ELL2: variants seen among roughly 807,000 people sequenced by gnomAD.
ELL2 encodes elongation factor for RNA polymerase II 2.
ELL2 carries 21 observed loss-of-function variants against 72.8 expected under a neutral mutation model. That is an observed-to-expected ratio of 0.29 (90% CI 0.20 to 0.42). The LOEUF (loss-of-function observed/expected upper bound fraction) is 0.42, where lower values mean the gene tolerates loss of function less well. ELL2 is among the 10% of genes least tolerant of loss of function. The pLI is 1.00. For synonymous variants in ELL2, 266 were observed against 283.2 expected (o/e 0.94, Z 0.61); for missense variants, 568 against 772.8 (o/e 0.73, Z 3.14).
chr5:95,891,104 T>C lies in ELL2; in HGVS notation c.1760A>G (p.Gln587Arg), dbSNP rs1748644481. The C allele has an allele frequency of 6.2e-7, 1 of 1,614,104 alleles. No individual in the cohort carries two copies. Among genetic ancestry groups the C allele is most frequent in the Non-Finnish European group, 8.5e-7 (1 of 1,180,014 alleles). ...CCATCTAGTTACAAATCCATTTACCTGATACTCTTTTGAGCCTGGAGAAAG... is the reference window on the plus strand; with the variant it reads ...CCATCTAGTTACAAATCCATTTACCCGATACTCTTTTGAGCCTGGAGAAAG... ...KRLSPGSKEY[Q>R]NVHEEVLQEY... The change falls in exon 10 of 12, where the codon CAG becomes CGG. Residue 587 changes from glutamine (Q) to arginine (R), a missense_variant and splice_region_variant. This residue lies in a region of ELL2 where 511 missense variants were observed against 728.4 expected (regional missense o/e 0.70). Coordinates refer to ENST00000237853, the MANE Select transcript of ELL2 (RefSeq NM_012081.6).
At chr5:95,945,339 A>G (rs1751118396) in intron 1 of ELL2, among the ~76,000 whole-genome samples, 1 of 152,230 alleles carries the variant, frequency 6.6e-6, no homozygotes, top group Non-Finnish European at 1.5e-5. Flanking sequence ...ATATTCTATT[A>G]GTCGTTTACA....
At chr5:95,938,174 C>T (rs1416839562) in intron 2 of ELL2, among the ~76,000 whole-genome samples, 3 of 152,286 alleles carry the variant, frequency 2.0e-5, no homozygotes, top group African/African-American at 7.2e-5. Flanking sequence ...AAATCCAACC[C>T]TCTGTTTAAT....
At position 95,954,596 on chromosome 5, in the gene ELL2, CTTTTTTTTTTTTT is replaced by C. The variant is rs1169301940; in HGVS notation, c.147+6966_147+6978del. ...TAATTTTCTTTTCTTTTTTTTTTTT[CTTTTTTTTTTTTT>C]TTTTTGTATTTTAGTAGAGACAGGG... is the stretch of plus-strand genomic sequence containing the variant. On this transcript the variant is annotated intron_variant, in intron 1 of 11. Transcript: ENST00000237853. 4.7e-5 allele frequency among the ~76,000 whole-genome samples: 5 copies of C among 105,868 alleles called. 1 individual carries two copies. The highest frequency in any genetic ancestry group is 6.2e-4 in the South Asian group (2 of 3,210). The allele number at this position is 105,868 out of a possible 152,430, so 69.5% of individuals were successfully genotyped here.
rs1010691492 is a variant in ELL2, at chr5:95,919,353, ATTGT to A, written c.317+67_317+70del. 3.3e-6 allele frequency: 5 copies of A among 1,515,588 alleles called. No individual in the cohort carries two copies. In the Admixed American group the frequency reaches 9.7e-5, roughly 29 times the overall value. The allele number at this position is 1,515,588 out of a possible 1,614,324, so 93.9% of individuals were successfully genotyped here. ...TTTATGGATGAATATTATGTATTGT[ATTGT>A]TTAATTTTCTAAAACCCTCTTAAAT... is the stretch of plus-strand genomic sequence containing the variant. On this transcript the variant is annotated intron_variant, in intron 3 of 11. Transcript: ENST00000237853.
intron 1 of ELL2, among the ~76,000 whole-genome samples, chr5:95,954,841 C>T (rs533478941): frequency 6.6e-6 from 1 of 152,204 alleles, no homozygotes; most frequent in South Asian, 2.1e-4. Flanking sequence ...CAAACTTCTT[C>T]CTAACTTGTC....
intron 5 of ELL2, among the ~76,000 whole-genome samples, chr5:95,905,461 A>G (rs1162235859): frequency 2.0e-5 from 3 of 151,594 alleles, no homozygotes; most frequent in African/African-American, 7.3e-5. Flanking sequence ...GCTTCTCCAG[A>G]TATCAAACTG....
intron 3 of ELL2, among the ~76,000 whole-genome samples, chr5:95,917,202 G>A (rs1296747902): frequency 6.6e-6 from 1 of 152,158 alleles, no homozygotes; most frequent in African/African-American, 2.4e-5. Context: ...GTCTGAAAAT[G>A]GGTAGACTTA....
Position 95,903,193 on chromosome 5 carries a change from C to T in ELL2, c.742-2113G>A, listed in dbSNP as rs188694648. ...TGTAATAGGACATTCTCCTGGTTTCCGCCTCTCTTAGGACCTTTTTTTTTT... is the reference window on the plus strand; with the variant it reads ...TGTAATAGGACATTCTCCTGGTTTCTGCCTCTCTTAGGACCTTTTTTTTTT... On this transcript the variant is annotated intron_variant, in intron 5 of 11. Coordinates refer to ENST00000237853, the MANE Select transcript of ELL2 (RefSeq NM_012081.6). Among the ~76,000 whole-genome samples, 273 of 143,282 alleles carry T rather than the reference C, an allele frequency of 1.9e-3. 1 individual carries two copies. Among genetic ancestry groups the T allele is most frequent in the African/African-American group, 6.5e-3 (253 of 38,870 alleles). 94.0% of individuals were successfully genotyped at this position (143,282 alleles called of 152,430 possible). A position where few individuals can be genotyped will look rare whatever the true frequency, so the allele number is the denominator to read the frequency against.
intron 1 of ELL2, among the ~76,000 whole-genome samples, chr5:95,960,874 T>TCC (rs879280065): frequency 6.9e-6 from 1 of 144,288 alleles, no homozygotes; most frequent in Admixed American, 6.8e-5. Context: ...GTGTGTCCCC[T>TCC]CCCCCCCCGT....
intron 5 of ELL2, among the ~76,000 whole-genome samples, chr5:95,903,098 A>G (rs1749203247): frequency 6.9e-6 from 1 of 144,954 alleles, no homozygotes. Flanking sequence ...CAATGCTTCC[A>G]TTTTCTTTTA....
intron 4 of ELL2, among the ~76,000 whole-genome samples, chr5:95,909,439 G>A (rs116048183): frequency 3.3e-4 from 50 of 152,192 alleles, no homozygotes; most frequent in African/African-American, 1.2e-3. Flanking sequence ...GTGCCTATTC[G>A]ACAAGGAAGG....
At position 95,946,846 on chromosome 5, in the gene ELL2, C is replaced by T. The variant is rs139401133; in HGVS notation, c.148-3797G>A. Among the ~76,000 whole-genome samples the T allele has an allele frequency of 7.2e-4, 110 of 152,238 alleles. 1 individual carries two copies. Among genetic ancestry groups the T allele is most frequent in the African/African-American group, 2.6e-3 (108 of 41,522 alleles). Reference sequence around the variant, plus strand: ...TCAGTGAGACCTTCCTTTGGATAAACCAGAAGTCAAACACTCAATGTTTCA... The same window carrying T: ...TCAGTGAGACCTTCCTTTGGATAAATCAGAAGTCAAACACTCAATGTTTCA... On this transcript the variant is annotated intron_variant, in intron 1 of 11. Transcript: ENST00000237853.
chr5:95,902,046 C>T (rs956935711), intron 5 of ELL2, among the ~76,000 whole-genome samples: 5 of 152,194 alleles, frequency 3.3e-5, no homozygotes, highest in African/African-American at 1.2e-4. Flanking sequence ...CGGATAAGGA[C>T]TACTGTATTA....
chr5:95,890,892 A>G (rs1386998969), intron 10 of ELL2: 4 of 587,380 alleles, frequency 6.8e-6, no homozygotes, highest in Non-Finnish European at 1.2e-5. Context: ...ATAGTGGCAC[A>G]AGGTTTTTTT....
At chr5:95,953,448 T>C (rs1751495074) in intron 1 of ELL2, among the ~76,000 whole-genome samples, 1 of 152,216 alleles carries the variant, frequency 6.6e-6, no homozygotes, top group Non-Finnish European at 1.5e-5. Flanking sequence ...GCAATGATAT[T>C]AAATGTTATC....
rs141804420 is a variant in ELL2, at chr5:95,937,450, G to A, written c.195+5552C>T. ...GGGCAGCCCATCTCCTGGGTAAAAT[G>A]AGATTTTAAAAAATGTGCACTCTAG... On this transcript the variant is annotated intron_variant, in intron 2 of 11. Transcript: ENST00000237853. Among the ~76,000 whole-genome samples the A allele has an allele frequency of 6.4e-3, 964 of 151,088 alleles. 7 individuals are homozygous for A. Among genetic ancestry groups the A allele is most frequent in the African/African-American group, 0.021 (876 of 41,032 alleles).
rs1351615299 is a variant in ELL2 at position 95,943,778 on chromosome 5, T to C, written c.148-729A>G. Among the ~76,000 whole-genome samples, 4 of 152,236 alleles carry C rather than the reference T, an allele frequency of 2.6e-5. No individual in the cohort carries two copies. The South Asian group carries it at 6.2e-4, about 24-fold the overall frequency. ...TAATTTCTAGATCAGTGTTTTTTATTATGAGCTTTTTCTTCTTGATAACTT... is the reference window on the plus strand; with the variant it reads ...TAATTTCTAGATCAGTGTTTTTTATCATGAGCTTTTTCTTCTTGATAACTT... On this transcript the variant is annotated intron_variant, in intron 1 of 11. Transcript: ENST00000237853.
intron 2 of ELL2, among the ~76,000 whole-genome samples, chr5:95,930,566 CT>C (rs1750559212): frequency 1.3e-5 from 2 of 152,218 alleles, no homozygotes; most frequent in South Asian, 4.1e-4. Context: ...TCTTAATTCT[CT>C]GCTTTCAATA....
chr5:95,954,751 A>C (rs1751569216), intron 1 of ELL2, among the ~76,000 whole-genome samples: 1 of 151,344 alleles, frequency 6.6e-6, no homozygotes, highest in Non-Finnish European at 1.5e-5. Context: ...ATATCTTGTT[A>C]AATTCTATAG....
Sources: allele counts gnomAD v4.1 joint callset (sites outside exome capture counted in the v4.1 genomes callset), GRCh38; gene constraint gnomAD v4.1.1; regional missense constraint gnomAD v4.1.1; transcripts MANE v1.5; gene names NCBI Gene and HGNC (gene_info 2026-07-23, HGNC 2026-07-21).